RERE: variants seen among roughly 807,000 people sequenced by gnomAD.
RERE encodes arginine-glutamic acid dipeptide repeats, also known as arginine-glutamic acid dipeptide repeats protein.
Under a neutral mutation model 146.1 loss-of-function variants are expected in RERE, and 40 were observed. The ratio of observed to expected loss-of-function variants is 0.27; its 90% CI spans 0.21 to 0.36. The LOEUF (loss-of-function observed/expected upper bound fraction) is 0.36, where lower values mean the gene tolerates loss of function less well. Among genes scored for constraint, RERE ranks in the 10% least tolerant of loss-of-function variants. RERE has a pLI of 1.00. For synonymous variants in RERE, 1,003 were observed against 866.0 expected (o/e 1.16, Z -2.78); for missense variants, 1,933 against 2,138.7 (o/e 0.90, Z 1.90).
chr1:8,470,964 G>A (rs1644676239), intron 10 of RERE, among the ~76,000 whole-genome samples: 2 of 150,790 alleles, frequency 1.3e-5, no homozygotes, highest in South Asian at 2.1e-4. Flanking sequence ...GACTACAGGC[G>A]CGCCACCACA....
At chr1:8,781,187 C>T (rs1641157819) in intron 1 of RERE, among the ~76,000 whole-genome samples, 1 of 152,006 alleles carries the variant, frequency 6.6e-6, no homozygotes, top group African/African-American at 2.4e-5. Flanking sequence ...GAAACCCCGT[C>T]TCTACTAAAA....
rs1051729481 is a variant in RERE, at chr1:8,353,278, T to G, written c.*1809A>C. The G allele has an allele frequency of 1.3e-5, 2 of 152,372 alleles. No individual in the cohort carries two copies. Among genetic ancestry groups the G allele is most frequent in the African/African-American group, 4.8e-5 (2 of 41,466 alleles). The allele number at this position is 152,372 out of a possible 1,614,324, so 9.4% of individuals were successfully genotyped here. A position where few individuals can be genotyped will look rare whatever the true frequency, so the allele number is the denominator to read the frequency against. ...ACAGACAAAACAAGCCTATCCCAACTGAAACCAAACACGGTTTTTAAGAGA... is the reference window on the plus strand; with the variant it reads ...ACAGACAAAACAAGCCTATCCCAACGGAAACCAAACACGGTTTTTAAGAGA... On this transcript the variant is annotated 3_prime_UTR_variant, in exon 23 of 23. Coordinates refer to ENST00000400908, the MANE Select transcript of RERE (RefSeq NM_001042681.2).
intron 11 of RERE, among the ~76,000 whole-genome samples, chr1:8,448,700 A>G (rs1644354336): frequency 6.6e-6 from 1 of 152,066 alleles, no homozygotes. Flanking sequence ...GCCCTGGCGC[A>G]CATCTGTAAT....
chr1:8,463,507 G>C (rs1644552689), intron 11 of RERE, among the ~76,000 whole-genome samples: 2 of 152,200 alleles, frequency 1.3e-5, no homozygotes, highest in South Asian at 4.1e-4. Flanking sequence ...GCAATGGGGA[G>C]ACAATCAACA....
At chr1:8,678,488 CAAAA>C (rs34040687) in intron 1 of RERE, among the ~76,000 whole-genome samples, 1 of 137,182 alleles carries the variant, frequency 7.3e-6, no homozygotes, top group Non-Finnish European at 1.6e-5. Context: ...ACTAAAAATA[CAAAA>C]AAAAAAAAAA....
At chr1:8,666,322 C>A (rs891845757) in intron 1 of RERE, among the ~76,000 whole-genome samples, 5 of 152,186 alleles carry the variant, frequency 3.3e-5, no homozygotes, top group African/African-American at 1.2e-4. Flanking sequence ...GCCATTTCTG[C>A]ATTTATTGTG....
rs768162646 is a variant in RERE, at chr1:8,422,713, C to G, written c.1284+14G>C. On this transcript the variant is annotated intron_variant, in intron 12 of 22. Transcript: ENST00000400908. Reference sequence around the variant, plus strand: ...AGGAAAAAATCAAGTTACATAAAGTCCAATTGTACTCACTGTTTCCTTATT... The same window carrying G: ...AGGAAAAAATCAAGTTACATAAAGTGCAATTGTACTCACTGTTTCCTTATT... 1 of 1,589,576 alleles carries G rather than the reference C, an allele frequency of 6.3e-7. No homozygotes were observed. The highest frequency in any genetic ancestry group is 1.7e-5 in the Admixed American group (1 of 59,888).
At chr1:8,539,235 AG>A (rs1323485061) in intron 7 of RERE, among the ~76,000 whole-genome samples, 2 of 152,220 alleles carry the variant, frequency 1.3e-5, no homozygotes, top group African/African-American at 4.8e-5. Context: ...CCTGGGCAAC[AG>A]GAAGACATGA....
At chr1:8,783,401 A>C (rs1641203057) in intron 1 of RERE, among the ~76,000 whole-genome samples, 1 of 152,186 alleles carries the variant, frequency 6.6e-6, no homozygotes, top group Non-Finnish European at 1.5e-5. Flanking sequence ...GAAGTCATAT[A>C]CTTTTCACAA....
rs1641161983 is a variant in RERE at position 8,353,213 on chromosome 1, T to C, written c.*1874A>G. ...AACTAAAGTTAAGGCAGAAATGGAA[T>C]GAGAGAAAAATGAAAGAAAAAAAAC... On this transcript the variant is annotated 3_prime_UTR_variant, in exon 23 of 23. Coordinates refer to ENST00000400908, the MANE Select transcript of RERE (RefSeq NM_001042681.2). 1 of 152,142 alleles carries C rather than the reference T, an allele frequency of 6.6e-6. No individual in the cohort carries two copies. The highest frequency in any genetic ancestry group is 1.5e-5 in the Non-Finnish European group (1 of 68,000). 9.4% of individuals were successfully genotyped at this position (152,142 alleles called of 1,614,324 possible). A position where few individuals can be genotyped will look rare whatever the true frequency, so the allele number is the denominator to read the frequency against.
intron 4 of RERE, among the ~76,000 whole-genome samples, chr1:8,563,106 AAC>A (rs891241077): frequency 3.8e-4 from 58 of 152,338 alleles, no homozygotes; most frequent in Admixed American, 3.8e-3. Context: ...TGTCATCAGC[AAC>A]ACACAACACA....
At position 8,786,414 on chromosome 1, in the gene RERE, A is replaced by G; in HGVS notation, c.-145+30746T>C. 4.6e-6 allele frequency: 4 copies of G among 866,516 alleles called. No homozygotes were observed. In the South Asian group the frequency reaches 5.3e-5, roughly 11 times the overall value. The allele number at this position is 866,516 out of a possible 1,614,324, so 53.7% of individuals were successfully genotyped here. A position where few individuals can be genotyped will look rare whatever the true frequency, so the allele number is the denominator to read the frequency against. ...TGATGCCATATTTACCAAGAGATAG[A>G]GCAATCAAAGCGTTATCTGTCAAAG... On this transcript the variant is annotated intron_variant, in intron 1 of 22. Transcript: ENST00000400908.
intron 1 of RERE, among the ~76,000 whole-genome samples, chr1:8,805,187 A>G (rs1019702299): frequency 6.6e-6 from 1 of 151,792 alleles, no homozygotes; most frequent in Non-Finnish European, 1.5e-5. Context: ...AATTTTGAAT[A>G]CATAGTTTAA....
intron 10 of RERE, among the ~76,000 whole-genome samples, chr1:8,492,468 GAAC>G (rs1457645288): frequency 1.3e-5 from 2 of 152,148 alleles, no homozygotes; most frequent in Admixed American, 6.5e-5. Context: ...TTTATACAGA[GAAC>G]AACTGGCCAG....
At chr1:8,398,157 T>C (rs766734079) in intron 12 of RERE, among the ~76,000 whole-genome samples, 9 of 152,314 alleles carry the variant, frequency 5.9e-5, no homozygotes, top group Non-Finnish European at 1.3e-4. Context: ...CATTTCCACA[T>C]GGAGTAACAG....
chr1:8,361,729 G>T, intron 17 of RERE, 34 bp downstream of exon 17: 1 of 1,554,978 alleles, frequency 6.4e-7, no homozygotes, highest in Non-Finnish European at 8.9e-7. Context: ...AGAAGCATTA[G>T]CTTTACTCAG....
At chr1:8,397,025 C>T (rs893903580) in intron 12 of RERE, among the ~76,000 whole-genome samples, 1 of 152,206 alleles carries the variant, frequency 6.6e-6, no homozygotes, top group Non-Finnish European at 1.5e-5. Context: ...GCAAAATGTA[C>T]TGTGTGTCTT....
intron 19 of RERE, 50 bp downstream of exon 19, chr1:8,359,714 C>A: frequency 1.9e-6 from 3 of 1,580,380 alleles, no homozygotes; most frequent in Admixed American, 1.7e-5. Flanking sequence ...GGCTCCCAGG[C>A]GCAGGATGGA....
intron 12 of RERE, among the ~76,000 whole-genome samples, chr1:8,416,564 C>A (rs1273805327): frequency 7.9e-6 from 1 of 127,360 alleles, no homozygotes; most frequent in Non-Finnish European, 1.6e-5. Context: ...CCAGCCTGGG[C>A]GACAGAGCGA....
Sources: gnomAD v4.1 joint callset for allele counts (sites outside exome capture counted in the v4.1 genomes callset) on GRCh38, gnomAD v4.1.1 for gene constraint, MANE v1.5 for transcripts, NCBI Gene and HGNC (gene_info 2026-07-23, HGNC 2026-07-21) for gene names.